Variants in ADGRE3 observed in about 807,000 individuals in gnomAD.
ADGRE3 encodes the protein EGF-like module receptor 3.
A neutral mutation model predicts 80.1 loss-of-function variants in ADGRE3; 88 were observed. That is an observed-to-expected ratio of 1.10 (90% confidence interval 0.93 to 1.31). ADGRE3 has a LOEUF of 1.31. Ranked by LOEUF, ADGRE3 falls within the 40% of genes most tolerant of loss-of-function variation. The probability of loss-of-function intolerance (pLI) is 0.00; values close to 1 mark genes in which losing one functional copy is unlikely to be tolerated. For synonymous variants in ADGRE3, 281 were observed against 294.8 expected (o/e 0.95, Z 0.48); for missense variants, 715 against 776.5 (o/e 0.92, Z 0.94).
At chr19:14,642,070 A>G (rs943363146) in intron 9 of ADGRE3, among the ~76,000 whole-genome samples, 3 of 152,176 alleles carry the variant, frequency 2.0e-5, no homozygotes, top group African/African-American at 7.2e-5. Context: ...TAAGGAGTGA[A>G]GAGTTTCAGT....
At position 14,619,401 on chromosome 19, in the gene ADGRE3, T is replaced by A; in HGVS notation, c.*32A>T. On this transcript the variant is annotated 3_prime_UTR_variant, in exon 16 of 16. Transcript: ENST00000253673. Reference sequence around the variant, plus strand: ...ATAATGCCAAAGAGATCCATGGATATGATTTTCCATATGGAGTTGAATATT... The same window carrying A: ...ATAATGCCAAAGAGATCCATGGATAAGATTTTCCATATGGAGTTGAATATT... 6.9e-7 allele frequency: 1 copy of A among 1,442,162 alleles called. No homozygotes were observed. The highest frequency in any genetic ancestry group is 9.8e-7 in the Non-Finnish European group (1 of 1,025,206). The allele number at this position is 1,442,162 out of a possible 1,614,324, so 89.3% of individuals were successfully genotyped here.
the ADGRE3 span, among the ~76,000 whole-genome samples, chr19:14,603,183 A>C: frequency 0.012 from 1,834 of 152,280 alleles, 35 homozygotes; most frequent in African/African-American, 0.042. Context: ...TTCTGCTAGA[A>C]TGGTGTACAT....
the ADGRE3 span, among the ~76,000 whole-genome samples, chr19:14,613,695 A>T: frequency 9.3e-4 from 141 of 151,350 alleles, no homozygotes; most frequent in South Asian, 6.1e-3. Flanking sequence ...TATTAAAAAA[A>T]TTTTTTTTGA....
intron 7 of ADGRE3, among the ~76,000 whole-genome samples, chr19:14,650,631 C>A (rs1971571803): frequency 1.1e-4 from 1 of 8,778 alleles, no homozygotes. Flanking sequence ...CTGTCTCCAT[C>A]TCTCTCTCTC....
chr19:14,603,755 C>T, the ADGRE3 span, among the ~76,000 whole-genome samples: 19 of 152,182 alleles, frequency 1.2e-4, no homozygotes, highest in African/African-American at 3.1e-4. Context: ...AGTGAGCCAC[C>T]GTGCCCTAAC....
At chr19:14,610,212 C>T in the ADGRE3 span, 7 of 1,551,438 alleles carry the variant, frequency 4.5e-6, no homozygotes, top group South Asian at 8.3e-5. Context: ...AGGGCCGAGG[C>T]TGGGGGTCCA....
intron 5 of ADGRE3, among the ~76,000 whole-genome samples, chr19:14,657,683 A>G (rs553618971): frequency 2.0e-5 from 3 of 151,912 alleles, no homozygotes; most frequent in Non-Finnish European, 4.4e-5. Flanking sequence ...TCACTCATGA[A>G]AAGTCAGTCC....
At chr19:14,643,272 C>T (rs139636874) in intron 9 of ADGRE3, among the ~76,000 whole-genome samples, 1,830 of 149,952 alleles carry the variant, frequency 0.012, 27 homozygotes, top group African/African-American at 0.042. Context: ...CAGCCTCCTG[C>T]GTAGCTGGGA....
At chr19:14,671,838 G>T (rs1972264394) in intron 1 of ADGRE3, among the ~76,000 whole-genome samples, 1 of 151,852 alleles carries the variant, frequency 6.6e-6, no homozygotes, top group Non-Finnish European at 1.5e-5. Flanking sequence ...CCCGGTTGGA[G>T]TGCAGTGGTG....
At chr19:14,608,469 G>A in the ADGRE3 span, among the ~76,000 whole-genome samples, 3 of 152,060 alleles carry the variant, frequency 2.0e-5, no homozygotes, top group Non-Finnish European at 2.9e-5. Flanking sequence ...GACAGGGACA[G>A]CACCAGGGTG....
chr19:14,656,699 C>T (rs1368151884), intron 5 of ADGRE3, among the ~76,000 whole-genome samples: 1 of 152,132 alleles, frequency 6.6e-6, no homozygotes, highest in Non-Finnish European at 1.5e-5. Flanking sequence ...CAGCCTTTTC[C>T]TATTGGCACA....
At chr19:14,617,398 C>CTTTCTTTCT (rs1415032512), downstream of ADGRE3, among the ~76,000 whole-genome samples, 3 of 47,308 alleles carry the variant, frequency 6.3e-5, no homozygotes, top group Non-Finnish European at 1.3e-4. Flanking sequence ...TTCTTTCTTT[C>CTTTCTTTCT]TTTTCTTTCT....
intron 2 of ADGRE3, among the ~76,000 whole-genome samples, chr19:14,666,737 A>G (rs1053130334): frequency 6.6e-6 from 1 of 152,132 alleles, no homozygotes; most frequent in East Asian, 1.9e-4. Flanking sequence ...ATAGTCACCC[A>G]CTAAGTATGC....
At chr19:14,619,755 A>G (rs1242736270) in intron 15 of ADGRE3, among the ~76,000 whole-genome samples, 1 of 152,154 alleles carries the variant, frequency 6.6e-6, no homozygotes, top group Non-Finnish European at 1.5e-5. Flanking sequence ...TTTTTTGTCT[A>G]TGAAGAAAGG....
chr19:14,645,598 G>A (rs1015775067), intron 8 of ADGRE3, among the ~76,000 whole-genome samples: 18 of 151,928 alleles, frequency 1.2e-4, no homozygotes, highest in Admixed American at 1.1e-3. Flanking sequence ...GGCGGAGGTT[G>A]CAGTGAGCTG....
intron 13 of ADGRE3, 108 bp from the exon 14 acceptor site, chr19:14,630,315 T>C: frequency 2.2e-6 from 2 of 894,456 alleles, no homozygotes; most frequent in Non-Finnish European, 3.1e-6. Flanking sequence ...ACTACCTGAG[T>C]TTAAATGGAA....
At chr19:14,668,652 A>G in intron 2 of ADGRE3, 150 bp downstream of exon 2, 1 of 588,086 alleles carries the variant, frequency 1.7e-6, no homozygotes, top group South Asian at 2.2e-5. Context: ...ATAATGATAA[A>G]TTAAGCAAAC....
intron 14 of ADGRE3, chr19:14,628,793 G>A (rs1970798158): frequency 1.2e-5 from 3 of 253,036 alleles, no homozygotes; most frequent in Admixed American, 1.0e-4. Context: ...CCTAGTTTGG[G>A]ACAGTGACAG....
At chr19:14,667,652 G>A (rs1290636951) in intron 2 of ADGRE3, among the ~76,000 whole-genome samples, 1 of 152,024 alleles carries the variant, frequency 6.6e-6, no homozygotes, top group Non-Finnish European at 1.5e-5. Context: ...AGAACATTTG[G>A]ACACAGGGTG....
Sources: allele counts gnomAD v4.1 joint callset (sites outside exome capture counted in the v4.1 genomes callset), GRCh38; gene constraint gnomAD v4.1.1; transcripts MANE v1.5; gene names NCBI Gene and HGNC (gene_info 2026-07-23, HGNC 2026-07-21).